The following GUCA1B variants were observed in gnomAD, a reference collection of about 807,000 sequenced individuals.
GUCA1B encodes guanylate cyclase activator 1B.
In GUCA1B, 22 loss-of-function variants were observed where a neutral mutation model predicts 24.2. The observed-to-expected ratio is 0.91, with a 90% CI of 0.65 to 1.30. The LOEUF (loss-of-function observed/expected upper bound fraction) is 1.30. Among genes scored for constraint, GUCA1B ranks in the 50% most tolerant of loss-of-function variants. The pLI, the probability that GUCA1B is intolerant of heterozygous loss-of-function variation, is 0.00. For synonymous variants in GUCA1B, 100 were observed against 97.9 expected (o/e 1.02, Z -0.13); for missense variants, 221 against 258.8 (o/e 0.85, Z 1.00).
chr6:42,191,291 CA>C (rs1198268808), intron 1 of GUCA1B, among the ~76,000 whole-genome samples: 1 of 152,146 alleles, frequency 6.6e-6, no homozygotes, highest in East Asian at 1.9e-4. Flanking sequence ...GGTCATAGGG[CA>C]ACCACGAGAG....
At chr6:42,189,720 C>A (rs892578927) in intron 1 of GUCA1B, among the ~76,000 whole-genome samples, 1 of 152,214 alleles carries the variant, frequency 6.6e-6, no homozygotes, top group South Asian at 2.1e-4. Flanking sequence ...TGACTCTCAC[C>A]AGGAAGCAAC....
rs1242744061 is a variant in GUCA1B, at chr6:42,184,235, GC to G, written c.*579del. 6.6e-6 allele frequency among the ~76,000 whole-genome samples: 1 copy of G among 152,050 alleles called. No homozygotes were observed. The highest frequency in any genetic ancestry group is 1.5e-5 in the Non-Finnish European group (1 of 68,008). On this transcript the variant is annotated 3_prime_UTR_variant, in exon 4 of 4. Coordinates refer to ENST00000230361, the MANE Select transcript of GUCA1B (RefSeq NM_002098.6). Reference sequence around the variant, plus strand: ...CTCCTGAGTAGCTGGGACTACAGGCGCCCGCCACCTCACCCGGCTGATTTTT... The same window carrying G: ...CTCCTGAGTAGCTGGGACTACAGGCGCCGCCACCTCACCCGGCTGATTTTT...
At chr6:42,192,353 CAAAAAAAAAAAAAAAA>C (rs552941208) in intron 1 of GUCA1B, among the ~76,000 whole-genome samples, 3 of 57,194 alleles carry the variant, frequency 5.2e-5, no homozygotes, top group East Asian at 1.5e-3. Context: ...GACTCCAACT[CAAAAAAAAAAAAAAAA>C]AAAAAAAAAA....
chr6:42,185,206 G>T (rs1013338751), intron 3 of GUCA1B, among the ~76,000 whole-genome samples: 1 of 152,224 alleles, frequency 6.6e-6, no homozygotes, highest in South Asian at 2.1e-4. Context: ...GAGAGAGCTG[G>T]AGGGCTCAAG....
At chr6:42,185,922 CAT>C in intron 2 of GUCA1B, 125 bp from the exon 3 acceptor site, 1 of 722,678 alleles carries the variant, frequency 1.4e-6, no homozygotes, top group Non-Finnish European at 2.5e-6. Context: ...CTTAGGATCA[CAT>C]AATCTGGATC....
chr6:42,188,583 T>C lies in GUCA1B; in HGVS notation c.356A>G (p.Glu119Gly). Residue 119 changes from glutamate (E) to glycine (G), a missense_variant and splice_region_variant, in exon 2 of 4, where the codon GAG (glutamate) becomes GGG (glycine). Physicochemically the swap from Glu to Gly is moderately conservative, Grantham distance 98. Transcript: ENST00000230361. ...TGGCCCATGGGCAGAGACACTAACC[T>C]CCACAATGTTGAGTAGCTCCAGGCG... ...IDRLELLNIV[E>G]GIYQLKKACR... 6.2e-7 allele frequency: 1 copy of C among 1,613,998 alleles called. No individual in the cohort carries two copies. The highest frequency in any genetic ancestry group is 2.2e-5 in the East Asian group (1 of 44,878).
intron 1 of GUCA1B, among the ~76,000 whole-genome samples, chr6:42,190,256 A>G (rs1768280675): frequency 6.6e-6 from 1 of 152,026 alleles, no homozygotes; most frequent in African/African-American, 2.4e-5. Flanking sequence ...ACTCCCCATC[A>G]TATACTTATC....
rs1768165616 is a variant in GUCA1B, at chr6:42,184,840, T to C, written c.578A>G (p.Gln193Arg). The change falls in exon 4 of 4, where the codon CAG becomes CGG. Residue 193 changes from glutamine (Q) to arginine (R), a missense_variant. Gln to Arg is a conservative substitution (Grantham distance 43). Transcript: ENST00000230361. ...DMNPSSWLAQ[Q>R]RRKSAMF ...TCAGAACATGGCACTTTTCCGTCTC[T>C]GCTGAGCGAGCCAGCTGCTGGGATT... The C allele has an allele frequency of 6.2e-7, 1 of 1,614,116 alleles. No individual in the cohort carries two copies. Among genetic ancestry groups the C allele is most frequent in the Non-Finnish European group, 8.5e-7 (1 of 1,180,000 alleles).
At position 42,194,598 on chromosome 6, in the gene GUCA1B, C is replaced by G; in HGVS notation, c.207+16G>C. On this transcript the variant is annotated intron_variant, in intron 1 of 3. Coordinates refer to ENST00000230361, the MANE Select transcript of GUCA1B (RefSeq NM_002098.6). Reference sequence around the variant, plus strand: ...AGGTGGACTGGCCACTGGTCCTTCCCTTCAGGGTGCCTTACCCCATTCTTG... The same window carrying G: ...AGGTGGACTGGCCACTGGTCCTTCCGTTCAGGGTGCCTTACCCCATTCTTG... 1 of 1,565,906 alleles carries G rather than the reference C, an allele frequency of 6.4e-7. No homozygotes were observed. Among genetic ancestry groups the G allele is most frequent in the Non-Finnish European group, 8.8e-7 (1 of 1,135,886 alleles).
In GUCA1B at chr6:42,184,789, G is replaced by A. The variant is rs1382096026; in HGVS notation, c.*26C>T. 2.7e-5 allele frequency: 43 copies of A among 1,612,102 alleles called. No homozygotes were observed. Among genetic ancestry groups the A allele is most frequent in the Non-Finnish European group, 3.1e-5 (37 of 1,178,560 alleles). On this transcript the variant is annotated 3_prime_UTR_variant, in exon 4 of 4. Transcript: ENST00000230361. ...CTACCCTGGAAACCTGGGTGAGCCT[G>A]GAGTCGTGGAGGGGCCCCAGACTCC...
At chr6:42,184,998 G>A in intron 3 of GUCA1B, 56 bp from the exon 4 acceptor site, 4 of 1,583,998 alleles carry the variant, frequency 2.5e-6, no homozygotes, top group South Asian at 1.1e-5. Context: ...CTGGGTCTGG[G>A]GGCAGGAGGA....
At chr6:42,189,918 G>C (rs1447593866) in intron 1 of GUCA1B, among the ~76,000 whole-genome samples, 2 of 152,174 alleles carry the variant, frequency 1.3e-5, no homozygotes, top group Non-Finnish European at 2.9e-5. Flanking sequence ...CTTATTCCAA[G>C]GTTGGGAACT....
chr6:42,193,358 T>C (rs1227914964), intron 1 of GUCA1B, among the ~76,000 whole-genome samples: 1 of 147,024 alleles, frequency 6.8e-6, no homozygotes, highest in Non-Finnish European at 1.5e-5. Flanking sequence ...TGACCTGATA[T>C]ATTTGTTTAC....
intron 2 of GUCA1B, 142 bp downstream of exon 2, chr6:42,188,440 C>T (rs1768235045): frequency 2.8e-6 from 2 of 722,976 alleles, no homozygotes; most frequent in Non-Finnish European, 2.4e-6. Flanking sequence ...AAATTACACA[C>T]TCAGAATGAG....
chr6:42,192,144 A>G (rs1768316109), intron 1 of GUCA1B, among the ~76,000 whole-genome samples: 1 of 151,344 alleles, frequency 6.6e-6, no homozygotes, highest in Admixed American at 6.6e-5. Flanking sequence ...TCATGAAGTC[A>G]AGAGATGGAG....
At chr6:42,188,760 C>A in intron 1 of GUCA1B, 29 bp from the exon 2 acceptor site, 1 of 1,602,906 alleles carries the variant, frequency 6.2e-7, no homozygotes, top group South Asian at 1.1e-5. Context: ...CTGCTGAGGG[C>A]ACAGCCCACC....
intron 2 of GUCA1B, 110 bp downstream of exon 2, chr6:42,188,472 A>G: frequency 1.1e-6 from 1 of 886,264 alleles, no homozygotes; most frequent in South Asian, 1.4e-5. Context: ...CACACTCAGA[A>G]TGATTTCAAG....
rs746910924 is a variant in GUCA1B, at chr6:42,184,926, G to T, written c.492C>A (p.Asn164Lys). 2 of 1,614,108 alleles carry T rather than the reference G, an allele frequency of 1.2e-6. No individual in the cohort carries two copies. Among genetic ancestry groups the T allele is most frequent in the Admixed American group, 1.7e-5 (1 of 60,018 alleles). Residue 164 changes from asparagine to lysine, a missense_variant, in exon 4 of 4, where the codon AAC becomes AAA. Coordinates refer to ENST00000230361, the MANE Select transcript of GUCA1B (RefSeq NM_002098.6). Reference protein sequence around the residue: ...DENGDGQLSLNEFVEGARRDK... With the variant: ...DENGDGQLSLKEFVEGARRDK... ...CCCGACGGGCACCTTCAACAAACTC[G>T]TTCAGAGACAGCTGGCCTGAGCAAG...
intron 1 of GUCA1B, among the ~76,000 whole-genome samples, chr6:42,193,853 CATTTGAGGT>C (rs540439915): frequency 4.9e-4 from 74 of 152,264 alleles, no homozygotes; most frequent in African/African-American, 1.3e-3. Context: ...AATACCAGGG[CATTTGAGGT>C]ATTTGAGGTA....
Sources: allele counts gnomAD v4.1 joint callset (sites outside exome capture counted in the v4.1 genomes callset), GRCh38; gene constraint gnomAD v4.1.1; transcripts MANE v1.5; gene names NCBI Gene and HGNC (gene_info 2026-07-23, HGNC 2026-07-21).